Variants in ARAP2 observed in about 807,000 individuals in gnomAD.
ARAP2 encodes the protein ArfGAP with RhoGAP domain, ankyrin repeat and PH domain 2.
ARAP2 carries 148 observed loss-of-function variants against 194.5 expected under a neutral mutation model. That is an observed-to-expected ratio of 0.76 (90% CI 0.67 to 0.87). The LOEUF (loss-of-function observed/expected upper bound fraction) is 0.87, where lower values mean the gene tolerates loss of function less well. ARAP2 is among the 40% of genes least tolerant of loss of function. ARAP2 has a pLI of 0.00. For missense variants in ARAP2, 2,128 were observed against 1,989.7 expected, an observed-to-expected ratio of 1.07 and a Z score of -1.32; for synonymous variants, 695 against 683.5, an observed-to-expected ratio of 1.02 and a Z score of -0.26.
Position 36,166,949 on chromosome 4 carries a change from A to G in ARAP2, c.1956T>C (p.Thr652=). 1 of 1,601,906 alleles carries G rather than the reference A, an allele frequency of 6.2e-7. No homozygotes were observed. Among genetic ancestry groups the G allele is most frequent in the Non-Finnish European group, 8.5e-7 (1 of 1,174,856 alleles). Reference sequence around the variant, plus strand: ...TAGCTTACCTGAAACTCCTGTAGGGAGTGATTATTTCAAAAGATTGTTTCA... The same window carrying G: ...TAGCTTACCTGAAACTCCTGTAGGGGGTGATTATTTCAAAAGATTGTTTCA... ...RTVKQSFEII[T]PYRSFSFTAE... The change falls in exon 10 of 33, where the codon ACT becomes ACC. Residue 652 remains threonine, a synonymous_variant. Transcript: ENST00000303965.
At chr4:36,055,078 C>T (rs915789836) in intron 2 of ARAP2, among the ~76,000 whole-genome samples, 1 of 152,110 alleles carries the variant, frequency 6.6e-6, no homozygotes, top group South Asian at 2.1e-4. Context: ...GTACAGTCAA[C>T]TGATATAAAT....
At chr4:36,174,579 C>T (rs1737395716) in intron 9 of ARAP2, among the ~76,000 whole-genome samples, 1 of 152,130 alleles carries the variant, frequency 6.6e-6, no homozygotes, top group African/African-American at 2.4e-5. Context: ...GTGTTTTTGG[C>T]TCATCCATCA....
chr4:36,016,759 C>G (rs187412101), intron 6 of ARAP2, among the ~76,000 whole-genome samples: 1 of 152,116 alleles, frequency 6.6e-6, no homozygotes, highest in Non-Finnish European at 1.5e-5. Flanking sequence ...CGCTTGAAAA[C>G]GTGAGATAAA....
chr4:36,056,578 T>C (rs1381965353), intron 2 of ARAP2, among the ~76,000 whole-genome samples: 1 of 152,206 alleles, frequency 6.6e-6, no homozygotes, highest in Non-Finnish European at 1.5e-5. Context: ...AACCAGAACA[T>C]GTATAGGTTT....
intron 28 of ARAP2, among the ~76,000 whole-genome samples, chr4:36,088,035 C>T (rs115550714): frequency 9.2e-5 from 14 of 152,194 alleles, no homozygotes; most frequent in African/African-American, 2.6e-4. Flanking sequence ...AACTCTGCTT[C>T]GCATAGAGTA....
In ARAP2 at chr4:36,229,101, T is replaced by C; in HGVS notation, c.386A>G (p.Asp129Gly). ...GCTTCTTTCCACACTTGCATCACTG[T>C]CTTCAAGATTTTTTCTAACAGTCTC... ...QLETVRKNLEDSDASVERSQY... is the reference protein window; with the variant it reads ...QLETVRKNLEGSDASVERSQY... The change falls in exon 2 of 33, where the codon GAC becomes GGC. Residue 129 changes from aspartate (D) to glycine (G), a missense_variant. By Grantham distance (94) the Asp-to-Gly change is moderately conservative (BLOSUM62 -1). Transcript: ENST00000303965. 6.2e-7 allele frequency: 1 copy of C among 1,614,042 alleles called. No individual in the cohort carries two copies. Among genetic ancestry groups the C allele is most frequent in the Non-Finnish European group, 8.5e-7 (1 of 1,179,984 alleles).
chr4:36,167,100 G>T, intron 9 of ARAP2, 53 bp from the exon 10 acceptor site: 1 of 1,056,216 alleles, frequency 9.5e-7, no homozygotes, highest in Non-Finnish European at 1.4e-6. Flanking sequence ...AAAAGATTTT[G>T]AAAGTATAAT....
intron 2 of ARAP2, among the ~76,000 whole-genome samples, chr4:36,223,469 A>T (rs935453705): frequency 4.6e-5 from 7 of 152,144 alleles, no homozygotes; most frequent in Admixed American, 2.0e-4. Context: ...ATATGTTTGT[A>T]AGGCCTTTGA....
intron 10 of ARAP2, chr4:36,006,864 A>G (rs1713382620): frequency 6.6e-6 from 1 of 152,134 alleles, no homozygotes; most frequent in Admixed American, 6.6e-5. Flanking sequence ...TTAAAATTGA[A>G]AAAGATAACA....
chr4:36,141,830 T>C (rs770074142), intron 19 of ARAP2, among the ~76,000 whole-genome samples: 6 of 151,788 alleles, frequency 4.0e-5, no homozygotes, highest in Middle Eastern at 3.4e-3. Context: ...GTATAAATAA[T>C]TGGAAGTTGT....
chr4:36,193,677 A>G, intron 6 of ARAP2, 30 bp from the exon 7 acceptor site: 1 of 1,507,332 alleles, frequency 6.6e-7, no homozygotes, highest in Non-Finnish European at 9.1e-7. Flanking sequence ...GTTATTTTAC[A>G]TTCAAGTAAC....
chr4:36,144,016 T>C (rs973739772), intron 19 of ARAP2, among the ~76,000 whole-genome samples: 1 of 151,838 alleles, frequency 6.6e-6, no homozygotes, highest in Non-Finnish European at 1.5e-5. Context: ...CATTTAGTGC[T>C]CTGGCTTCCA....
intron 7 of ARAP2, among the ~76,000 whole-genome samples, chr4:36,188,791 C>A (rs113721072): frequency 5.9e-5 from 9 of 152,106 alleles, no homozygotes; most frequent in African/African-American, 9.7e-5. Flanking sequence ...ATGCAGGGAG[C>A]AAGTACTGAG....
chr4:36,072,735 G>A (rs1295685968), intron 32 of ARAP2, among the ~76,000 whole-genome samples: 1 of 150,172 alleles, frequency 6.7e-6, no homozygotes, highest in Non-Finnish European at 1.5e-5. Context: ...ACAAGGTCAT[G>A]ATTTCTTGGA....
downstream of ARAP2, among the ~76,000 whole-genome samples, chr4:36,064,788 TC>T (rs1159659156): frequency 2.0e-5 from 3 of 152,008 alleles, no homozygotes; most frequent in Non-Finnish European, 4.4e-5. Context: ...TTTCACAGGC[TC>T]CCCACCTCTT....
In ARAP2 at chr4:36,124,924, A is replaced by G; in HGVS notation, c.3684T>C (p.Phe1228=). The G allele has an allele frequency of 1.9e-6, 3 of 1,611,230 alleles. No homozygotes were observed. The highest frequency in any genetic ancestry group is 1.7e-6 in the Non-Finnish European group (2 of 1,178,236). Residue 1228 remains phenylalanine (F), a synonymous_variant, in exon 22 of 33, where the codon TTT becomes TTC. Transcript: ENST00000303965. ...DKERIKKYGA[F]IRSLPGVNRA... ...GGTTGACCCCTGGAAGAGAACGTAT[A>G]AATGCTCCATATTTTTTAATTCTTT...
At position 36,068,158 on chromosome 4, in the gene ARAP2, T is replaced by C. The variant is rs1725931142; in HGVS notation, c.4864A>G (p.Lys1622Glu). Reference sequence around the variant, plus strand: ...TGTTTTCGGGGTCGATTTCGAAGTTTATCGTCCTTGTGCTCCAGGCAGTGG... The same window carrying C: ...TGTTTTCGGGGTCGATTTCGAAGTTCATCGTCCTTGTGCTCCAGGCAGTGG... The part of the protein sequence containing the change: ...VAHCLEHKDD[K>E]LRNRPRKHRS... The change falls in exon 33 of 33, where the codon AAA (lysine) becomes GAA (glutamate). Residue 1622 changes from lysine (K) to glutamate (E), a missense_variant. Coordinates refer to ENST00000303965, the MANE Select transcript of ARAP2 (RefSeq NM_015230.4). 2 of 1,613,804 alleles carry C rather than the reference T, an allele frequency of 1.2e-6. No individual in the cohort carries two copies. Among genetic ancestry groups the C allele is most frequent in the African/African-American group, 2.7e-5 (2 of 74,940 alleles).
intron 24 of ARAP2, among the ~76,000 whole-genome samples, chr4:36,118,866 G>C (rs1012570028): frequency 1.3e-5 from 2 of 151,332 alleles, no homozygotes; most frequent in Non-Finnish European, 3.0e-5. Flanking sequence ...TCTTTATATG[G>C]AATGACAGTT....
intron 29 of ARAP2, among the ~76,000 whole-genome samples, chr4:36,082,602 C>T (rs1251259419): frequency 2.6e-5 from 4 of 152,022 alleles, no homozygotes; most frequent in Non-Finnish European, 4.4e-5. Context: ...GAGAGATGTA[C>T]GGTTACTGGG....
Sources: allele counts gnomAD v4.1 joint callset (sites outside exome capture counted in the v4.1 genomes callset), GRCh38; gene constraint gnomAD v4.1.1; transcripts MANE v1.5; gene names NCBI Gene and HGNC (gene_info 2026-07-23, HGNC 2026-07-21).